Variants in PTH2R observed in about 807,000 individuals in gnomAD.
The protein encoded by PTH2R is parathyroid hormone 2 receptor.
PTH2R carries 59 observed loss-of-function variants against 60.3 expected under a neutral mutation model. That is an observed-to-expected ratio of 0.98 (90% confidence interval 0.79 to 1.22). The LOEUF is 1.22. Among genes scored for constraint, PTH2R ranks in the 50% most tolerant of loss-of-function variants. The pLI, the probability that PTH2R is intolerant of heterozygous loss-of-function variation, is 0.00. For missense variants in PTH2R, 749 were observed against 682.6 expected (o/e 1.10, Z -1.08); for synonymous variants, 256 against 243.8 (o/e 1.05, Z -0.47).
intron 1 of PTH2R, among the ~76,000 whole-genome samples, chr2:208,401,445 G>GTTTT (rs796961634): frequency 1.4e-5 from 2 of 142,962 alleles, no homozygotes; most frequent in African/African-American, 5.1e-5. Context: ...TTGCAAAAAG[G>GTTTT]TTTTTTTTTT....
intron 1 of PTH2R, among the ~76,000 whole-genome samples, chr2:208,395,838 A>G (rs934466559): frequency 3.3e-5 from 5 of 152,236 alleles, no homozygotes; most frequent in Middle Eastern, 3.2e-3. Context: ...ACCAAAAAAG[A>G]GCCCATATAG....
chr2:208,476,615 CA>C (rs1238797028), intron 9 of PTH2R, among the ~76,000 whole-genome samples: 1 of 152,002 alleles, frequency 6.6e-6, no homozygotes. Flanking sequence ...ATAAACAAAG[CA>C]AAAAAGTTCT....
At chr2:208,369,850 C>T (rs868669451) in intron 1 of PTH2R, among the ~76,000 whole-genome samples, 16 of 152,036 alleles carry the variant, frequency 1.1e-4, no homozygotes, top group South Asian at 1.0e-3. Flanking sequence ...TCATAGACAA[C>T]GCACTTATGT....
chr2:208,360,489 T>A (rs114190559), intron 1 of PTH2R: 1 of 170,604 alleles, frequency 5.9e-6, no homozygotes, highest in African/African-American at 2.4e-5. Flanking sequence ...GCTGAGACTG[T>A]GCTTGTGCGG....
chr2:208,363,803 G>A (rs571361228), intron 1 of PTH2R, among the ~76,000 whole-genome samples: 60 of 151,992 alleles, frequency 3.9e-4, no homozygotes, highest in South Asian at 2.1e-4. Context: ...CTTGTTGGCC[G>A]CATGTGTCTT....
At position 208,365,675 on chromosome 2, in the gene PTH2R, T is replaced by G. The variant is rs544637286; in HGVS notation, c.-259+5438T>G. On this transcript the variant is annotated intron_variant, in intron 1 of 12. Coordinates refer to the PTH2R transcript ENST00000617735. ...CCTAGCTTTGATATCACACTAATGC[T>G]GCCCCTCAAAGAATGACCTTGGAAG... Among the ~76,000 whole-genome samples, 4 of 151,500 alleles carry G rather than the reference T, an allele frequency of 2.6e-5. No homozygotes were observed. In the South Asian group the frequency reaches 6.2e-4, roughly 24 times the overall value.
At chr2:208,487,925 G>A (rs1703309983) in intron 10 of PTH2R, among the ~76,000 whole-genome samples, 1 of 152,158 alleles carries the variant, frequency 6.6e-6, no homozygotes, top group Non-Finnish European at 1.5e-5. Context: ...ACAGCCTTAT[G>A]CAATGTAATC....
intron 7 of PTH2R, among the ~76,000 whole-genome samples, chr2:208,449,479 A>ATAGC (rs1559223800): frequency 6.6e-6 from 1 of 152,084 alleles, no homozygotes; most frequent in Non-Finnish European, 1.5e-5. Context: ...AGATAGATAG[A>ATAGC]ATATGCAAAC....
intron 9 of PTH2R, among the ~76,000 whole-genome samples, chr2:208,474,197 T>C (rs1411901192): frequency 6.6e-6 from 1 of 152,182 alleles, no homozygotes; most frequent in African/African-American, 2.4e-5. Context: ...CATAGGGTTA[T>C]TAGGAGGACT....
At chr2:208,375,012 A>G (rs377668931) in intron 1 of PTH2R, among the ~76,000 whole-genome samples, 7 of 152,120 alleles carry the variant, frequency 4.6e-5, no homozygotes, top group South Asian at 2.1e-4. Context: ...GATGAGGTCT[A>G]TTTTGTTGAC....
intron 9 of PTH2R, among the ~76,000 whole-genome samples, chr2:208,477,749 T>A (rs1703040120): frequency 6.6e-6 from 1 of 151,784 alleles, no homozygotes; most frequent in East Asian, 1.9e-4. Flanking sequence ...ATCTCTCTTT[T>A]TTTAAATTTC....
intron 1 of PTH2R, among the ~76,000 whole-genome samples, chr2:208,381,639 A>G (rs1700916764): frequency 1.3e-5 from 2 of 152,124 alleles, no homozygotes; most frequent in African/African-American, 4.8e-5. Flanking sequence ...ACACTGCTGC[A>G]TCTGAAAGAG....
chr2:208,374,384 C>CA (rs1700755904), intron 1 of PTH2R, among the ~76,000 whole-genome samples: 1 of 152,132 alleles, frequency 6.6e-6, no homozygotes, highest in South Asian at 2.1e-4. Flanking sequence ...TCTGCTTACT[C>CA]ATTGCAGTCT....
chr2:208,486,321 A>G (rs761706550), intron 10 of PTH2R, among the ~76,000 whole-genome samples: 2 of 152,230 alleles, frequency 1.3e-5, no homozygotes, highest in African/African-American at 2.4e-5. Flanking sequence ...AGTCCTAGAA[A>G]AAAAGGGAGA....
intron 1 of PTH2R, among the ~76,000 whole-genome samples, chr2:208,365,952 ATATATATATTTTTTTTTTTTTTTTTTTTT>A (rs1700579485): frequency 1.5e-4 from 3 of 19,432 alleles, no homozygotes; most frequent in Admixed American, 9.3e-4. Context: ...ATATATATAT[ATATATATATTTTTTTTTTTTTTTTTTTTT>A]TTTTTTTTTT....
At chr2:208,450,923 C>A in intron 8 of PTH2R, 114 bp downstream of exon 8, 1 of 1,181,220 alleles carries the variant, frequency 8.5e-7, no homozygotes, top group Non-Finnish European at 1.3e-6. Flanking sequence ...TTAGGGATGC[C>A]ACAAGGAAAA....
At chr2:208,419,406 G>C (rs1282014041) in intron 1 of PTH2R, among the ~76,000 whole-genome samples, 2 of 152,132 alleles carry the variant, frequency 1.3e-5, no homozygotes, top group African/African-American at 4.8e-5. Context: ...TGAGTTCATT[G>C]TAGATTCTGG....
At chr2:208,470,189 G>A (rs1447061110) in intron 9 of PTH2R, among the ~76,000 whole-genome samples, 1 of 152,194 alleles carries the variant, frequency 6.6e-6, no homozygotes, top group Non-Finnish European at 1.5e-5. Context: ...GCAGAAACCT[G>A]AGATCTTGAA....
intron 1 of PTH2R, among the ~76,000 whole-genome samples, chr2:208,365,127 C>G (rs913087550): frequency 6.6e-6 from 1 of 150,588 alleles, no homozygotes; most frequent in Non-Finnish European, 1.5e-5. Flanking sequence ...GAAATTTTTA[C>G]TTCTTTCTTC....
Sources: allele counts gnomAD v4.1 joint callset (sites outside exome capture counted in the v4.1 genomes callset), GRCh38; gene constraint gnomAD v4.1.1; transcripts MANE v1.5; gene names NCBI Gene and HGNC (gene_info 2026-07-23, HGNC 2026-07-21).